Variants in TMEM169 observed in about 807,000 individuals in gnomAD.
TMEM169 encodes transmembrane protein 169.
In TMEM169, 18 loss-of-function variants were observed where a neutral mutation model predicts 27.3. The ratio of observed to expected loss-of-function variants is 0.66; its 90% CI spans 0.46 to 0.98. TMEM169 has a LOEUF of 0.98. Ranked by LOEUF, TMEM169 falls within the 50% of genes least tolerant of loss-of-function variation. The pLI, the probability that TMEM169 is intolerant of heterozygous loss-of-function variation, is 0.00. For missense variants in TMEM169, 320 were observed against 368.6 expected (o/e 0.87, Z 1.08); for synonymous variants, 136 against 142.1 (o/e 0.96, Z 0.30).
intron 2 of TMEM169, among the ~76,000 whole-genome samples, chr2:216,097,997 C>A (rs573546844): frequency 6.6e-6 from 1 of 151,942 alleles, no homozygotes; most frequent in East Asian, 1.9e-4. Flanking sequence ...GCAGCTTTGG[C>A]CCATTTATGG....
rs1157660986 is a variant in TMEM169, at chr2:216,100,639, C to A, written c.*97C>A. 1.3e-6 allele frequency: 2 copies of A among 1,518,202 alleles called. No individual in the cohort carries two copies. The highest frequency in any genetic ancestry group is 1.8e-5 in the Admixed American group (1 of 56,304). The allele number at this position is 1,518,202 out of a possible 1,614,324, so 94.0% of individuals were successfully genotyped here. A position where few individuals can be genotyped will look rare whatever the true frequency, so the allele number is the denominator to read the frequency against. ...TCTTTAAATTACCCCCTACTCTCCG[C>A]AGTTCTTCTGGGAAATCAGAGTCCA... On this transcript the variant is annotated 3_prime_UTR_variant, in exon 3 of 3. Transcript: ENST00000437356.
intron 1 of TMEM169, among the ~76,000 whole-genome samples, chr2:216,094,334 A>G (rs1359882566): frequency 6.6e-6 from 1 of 152,244 alleles, no homozygotes; most frequent in African/African-American, 2.4e-5. Flanking sequence ...TTCACAGTAT[A>G]AATGCCAATA....
Position 216,095,950 on chromosome 2 carries a change from A to T in TMEM169, c.-14A>T. The stretch of plus-strand genomic sequence containing the variant: ...CCAACTCTTTATAAGACATAGGTAG[A>T]CGTCAGGTCTGGAATGGAAGAGCCA... On this transcript the variant is annotated 5_prime_UTR_variant, in exon 2 of 3. Transcript: ENST00000437356. 1.2e-6 allele frequency: 2 copies of T among 1,608,420 alleles called. No individual in the cohort carries two copies. The highest frequency in any genetic ancestry group is 1.7e-6 in the Non-Finnish European group (2 of 1,177,760).
At chr2:216,096,511 T>G (rs573727011) in intron 2 of TMEM169, among the ~76,000 whole-genome samples, 1 of 152,154 alleles carries the variant, frequency 6.6e-6, no homozygotes, top group Admixed American at 6.5e-5. Context: ...ACTACAGGCA[T>G]GTGCCACCAT....
rs565255239 is a variant in TMEM169 at position 216,086,153 on chromosome 2, C to T, written c.-127+4174C>T. Among the ~76,000 whole-genome samples the T allele has an allele frequency of 1.8e-4, 28 of 152,038 alleles. No individual in the cohort carries two copies. In the East Asian group the frequency reaches 5.4e-3, roughly 29 times the overall value. On this transcript the variant is annotated intron_variant, in intron 1 of 2. Transcript: ENST00000437356. The stretch of plus-strand genomic sequence containing the variant: ...GATCTTGGCTCACTGCAACCTCTGC[C>T]TCCCGGGTTCAAGCGATTCTCCTAC...
intron 1 of TMEM169, among the ~76,000 whole-genome samples, chr2:216,084,582 A>G (rs978367030): frequency 3.3e-5 from 5 of 152,236 alleles, no homozygotes; most frequent in African/African-American, 1.2e-4. Context: ...AAAATAAATA[A>G]TGACAAATGT....
intron 1 of TMEM169, among the ~76,000 whole-genome samples, chr2:216,091,215 G>A (rs1457246069): frequency 2.6e-5 from 4 of 152,190 alleles, no homozygotes; most frequent in African/African-American, 9.7e-5. Context: ...GATGGCATTA[G>A]GTGAGGCTTT....
At chr2:216,098,014 G>A (rs1212481701) in intron 2 of TMEM169, among the ~76,000 whole-genome samples, 1 of 152,146 alleles carries the variant, frequency 6.6e-6, no homozygotes. Context: ...ATGGAAAGGA[G>A]TTATTTCAGT....
intron 1 of TMEM169, among the ~76,000 whole-genome samples, chr2:216,087,345 G>T (rs541495948): frequency 6.6e-6 from 1 of 152,276 alleles, no homozygotes; most frequent in African/African-American, 2.4e-5. Context: ...GTAGAGGAAT[G>T]TCTTCCATTT....
chr2:216,093,472 C>A (rs1696187101), intron 1 of TMEM169, among the ~76,000 whole-genome samples: 2 of 152,288 alleles, frequency 1.3e-5, no homozygotes, highest in Non-Finnish European at 1.5e-5. Flanking sequence ...TAATGGCTTT[C>A]ATTCTGCCCC....
At chr2:216,095,259 T>C (rs1559227828) in intron 1 of TMEM169, among the ~76,000 whole-genome samples, 1 of 151,988 alleles carries the variant, frequency 6.6e-6, no homozygotes, top group Non-Finnish European at 1.5e-5. Context: ...AGCTAATTTT[T>C]GTATTTTTAG....
At position 216,100,828 on chromosome 2, in the gene TMEM169, T is replaced by C; in HGVS notation, c.*286T>C. On this transcript the variant is annotated 3_prime_UTR_variant, in exon 3 of 3. Coordinates refer to ENST00000437356, the MANE Select transcript of TMEM169 (RefSeq NM_001142311.2). ...TCTGCTGTGTGTCGTTTTGGGAGCCTGGAAGTGTTACTGGTGCCTGGAACT... is the reference window on the plus strand; with the variant it reads ...TCTGCTGTGTGTCGTTTTGGGAGCCCGGAAGTGTTACTGGTGCCTGGAACT... The C allele has an allele frequency of 2.3e-6, 1 of 441,790 alleles. No homozygotes were observed. 27.4% of individuals were successfully genotyped at this position (441,790 alleles called of 1,614,324 possible).
chr2:216,102,637 T>A lies in TMEM169; in HGVS notation c.*2095T>A, dbSNP rs983846408. On this transcript the variant is annotated 3_prime_UTR_variant, in exon 3 of 3. Transcript: ENST00000437356. The stretch of plus-strand genomic sequence containing the variant: ...AGGAACTCTCTCTTTTTTTTTTTTT[T>A]AAATAACTATTATTAGCTTGACAAG... 1.3e-5 allele frequency: 2 copies of A among 150,884 alleles called. No individual in the cohort carries two copies. The highest frequency in any genetic ancestry group is 6.6e-5 in the Admixed American group (1 of 15,184). 9.3% of individuals were successfully genotyped at this position (150,884 alleles called of 1,614,324 possible).
At chr2:216,090,655 G>A (rs1371651976) in intron 1 of TMEM169, among the ~76,000 whole-genome samples, 2 of 152,168 alleles carry the variant, frequency 1.3e-5, no homozygotes, top group Non-Finnish European at 2.9e-5. Flanking sequence ...AACACTTTTG[G>A]ACCTCCAAAT....
At chr2:216,083,975 G>A (rs1179579057) in intron 1 of TMEM169, among the ~76,000 whole-genome samples, 3 of 152,122 alleles carry the variant, frequency 2.0e-5, no homozygotes, top group South Asian at 2.1e-4. Context: ...CATCTCTTCC[G>A]AAGGCAACCA....
intron 1 of TMEM169, among the ~76,000 whole-genome samples, chr2:216,088,017 C>T (rs76740193): frequency 0.022 from 3,408 of 151,802 alleles, 63 homozygotes; most frequent in South Asian, 0.082. Flanking sequence ...AAATTAATTG[C>T]ACATGGTGGT....
rs138032584 is a variant in TMEM169 at position 216,096,078 on chromosome 2, C to A, written c.115C>A (p.His39Asn). 6.2e-7 allele frequency: 1 copy of A among 1,614,132 alleles called. No individual in the cohort carries two copies. ...GCTGGATGGGGAATCCACAATGGGG[C>A]ACAGGAAAAAGAAGAGGAAAGAGTC... ...LALDGESTMG[H>N]RKKKRKESRP... Residue 39 changes from histidine to asparagine, a missense_variant, in exon 2 of 3, where the codon CAC becomes AAC. By Grantham distance (68) the His-to-Asn change is moderately conservative (BLOSUM62 1). Coordinates refer to ENST00000437356, the MANE Select transcript of TMEM169 (RefSeq NM_001142311.2).
chr2:216,091,401 A>G (rs1199660423), intron 1 of TMEM169, among the ~76,000 whole-genome samples: 1 of 152,128 alleles, frequency 6.6e-6, no homozygotes, highest in Admixed American at 6.5e-5. Context: ...TACTAAAAAT[A>G]CAAAAATTAG....
At chr2:216,098,856 G>A (rs1696321395) in intron 2 of TMEM169, among the ~76,000 whole-genome samples, 1 of 150,790 alleles carries the variant, frequency 6.6e-6, no homozygotes, top group Non-Finnish European at 1.5e-5. Context: ...GGTATGGTAT[G>A]GGGGAGTATA....
Sources: allele counts gnomAD v4.1 joint callset (sites outside exome capture counted in the v4.1 genomes callset), GRCh38; gene constraint gnomAD v4.1.1; transcripts MANE v1.5; gene names NCBI Gene and HGNC (gene_info 2026-07-23, HGNC 2026-07-21).